The following CTNNA3 variants were observed in gnomAD, a reference collection of about 807,000 sequenced individuals.
The protein encoded by CTNNA3 is catenin alpha-3.
CTNNA3 carries 76 observed loss-of-function variants against 95.7 expected under a neutral mutation model. The ratio of observed to expected loss-of-function variants is 0.79; its 90% CI spans 0.66 to 0.96. The LOEUF is 0.96. CTNNA3 is among the 40% of genes least tolerant of loss of function. The probability of loss-of-function intolerance (pLI) is 0.00; values close to 1 mark genes in which losing one functional copy is unlikely to be tolerated. For synonymous variants in CTNNA3, 431 were observed against 374.4 expected, an observed-to-expected ratio of 1.15 and a Z score of -1.74; for missense variants, 1,191 against 1,089.8, an observed-to-expected ratio of 1.09 and a Z score of -1.31.
At chr10:66,442,875 A>G (rs2093385706) in intron 11 of CTNNA3, among the ~76,000 whole-genome samples, 1 of 152,206 alleles carries the variant, frequency 6.6e-6, no homozygotes, top group African/African-American at 2.4e-5. Context: ...TCACTCGGGA[A>G]GCGCAAGGGG....
At chr10:66,202,288 T>C (rs1564760197) in intron 13 of CTNNA3, among the ~76,000 whole-genome samples, 1 of 152,168 alleles carries the variant, frequency 6.6e-6, no homozygotes, top group Non-Finnish European at 1.5e-5. Context: ...AAAACCTAAA[T>C]GGAATTGTAA....
At position 66,529,114 on chromosome 10, in the gene CTNNA3, C is replaced by T. The variant is rs368554433; in HGVS notation, c.1375-8341G>A. On this transcript the variant is annotated intron_variant, in intron 10 of 17. Transcript: ENST00000433211. Reference sequence around the variant, plus strand: ...TCCACACAGCCTGGCCTATCACAATCAATGTATTATTTATTTATTATAATT... The same window carrying T: ...TCCACACAGCCTGGCCTATCACAATTAATGTATTATTTATTTATTATAATT... Among the ~76,000 whole-genome samples, 54 of 152,048 alleles carry T rather than the reference C, an allele frequency of 3.6e-4. 1 individual carries two copies. In the South Asian group the frequency reaches 0.011, roughly 31 times the overall value.
At chr10:65,953,167 G>A (rs540465017) in intron 17 of CTNNA3, among the ~76,000 whole-genome samples, 3 of 152,252 alleles carry the variant, frequency 2.0e-5, no homozygotes, top group East Asian at 1.9e-4. Flanking sequence ...CCCACTAGGC[G>A]TGGTGTATAG....
intron 7 of CTNNA3, among the ~76,000 whole-genome samples, chr10:67,140,152 T>C (rs1281508961): frequency 6.6e-6 from 1 of 152,190 alleles, no homozygotes; most frequent in African/African-American, 2.4e-5. Flanking sequence ...AGACAACACA[T>C]ATCTACATTT....
intron 8 of CTNNA3, among the ~76,000 whole-genome samples, chr10:66,772,188 G>A (rs1840111737): frequency 6.6e-6 from 1 of 152,136 alleles, no homozygotes; most frequent in Non-Finnish European, 1.5e-5. Context: ...CACTTTGGGA[G>A]GCCGAGGTGG....
chr10:66,865,875 ATT>A (rs1564732752), intron 7 of CTNNA3, among the ~76,000 whole-genome samples: 1 of 152,118 alleles, frequency 6.6e-6, no homozygotes, highest in African/African-American at 2.4e-5. Context: ...TGTAATATGC[ATT>A]TTTTCAGGTG....
chr10:66,110,705 T>C (rs1047766801), intron 13 of CTNNA3, among the ~76,000 whole-genome samples: 4 of 152,206 alleles, frequency 2.6e-5, no homozygotes, highest in African/African-American at 9.6e-5. Context: ...GATTATATAA[T>C]CAACTCAAGT....
At chr10:66,406,766 G>T (rs1589206759) in intron 11 of CTNNA3, among the ~76,000 whole-genome samples, 1 of 152,022 alleles carries the variant, frequency 6.6e-6, no homozygotes, top group Non-Finnish European at 1.5e-5. Context: ...AAGAGCTCTT[G>T]CTCTAAACCA....
intron 7 of CTNNA3, among the ~76,000 whole-genome samples, chr10:67,044,722 A>T (rs1433858794): frequency 6.6e-6 from 1 of 152,230 alleles, no homozygotes; most frequent in African/African-American, 2.4e-5. Flanking sequence ...TAGGGATGTT[A>T]TAAGGATAAA....
At chr10:66,261,405 A>G (rs7087659) in intron 13 of CTNNA3, among the ~76,000 whole-genome samples, 22,396 of 152,156 alleles carry the variant, frequency 0.15, 1,824 homozygotes, top group East Asian at 0.28. Context: ...TTAGCCAATG[A>G]TTTCAAATGC....
chr10:67,562,843 T>C (rs1362314816), intron 3 of CTNNA3, among the ~76,000 whole-genome samples: 2 of 151,970 alleles, frequency 1.3e-5, no homozygotes, highest in Non-Finnish European at 2.9e-5. Context: ...TATACACCAA[T>C]AACAGACAAA....
At chr10:66,823,908 C>A (rs1404336883) in intron 7 of CTNNA3, among the ~76,000 whole-genome samples, 1 of 151,982 alleles carries the variant, frequency 6.6e-6, no homozygotes, top group African/African-American at 2.4e-5. Context: ...TGGAGAGTTA[C>A]CATATTCCCT....
chr10:66,670,135 A>G (rs1360224213), intron 9 of CTNNA3, among the ~76,000 whole-genome samples: 1 of 152,116 alleles, frequency 6.6e-6, no homozygotes, highest in Non-Finnish European at 1.5e-5. Flanking sequence ...TATGAGAGTA[A>G]TATGTCCACT....
intron 14 of CTNNA3, among the ~76,000 whole-genome samples, chr10:66,075,394 A>G (rs972738402): frequency 6.6e-6 from 1 of 151,838 alleles, no homozygotes; most frequent in Non-Finnish European, 1.5e-5. Flanking sequence ...CCCCAGTTTC[A>G]TATGTTAAAT....
chr10:66,686,846 A>G (rs1847315131), intron 9 of CTNNA3, among the ~76,000 whole-genome samples: 1 of 152,192 alleles, frequency 6.6e-6, no homozygotes, highest in Admixed American at 6.5e-5. Flanking sequence ...AATTTCATGA[A>G]GAACAAACCA....
intron 10 of CTNNA3, among the ~76,000 whole-genome samples, chr10:66,594,138 C>G (rs12220506): frequency 0.17 from 25,539 of 151,994 alleles, 2,333 homozygotes; most frequent in East Asian, 0.24. Flanking sequence ...TTTCCCAGCT[C>G]AGTAAATGGC....
At chr10:66,502,830 G>A (rs1238718077) in intron 11 of CTNNA3, among the ~76,000 whole-genome samples, 2 of 152,034 alleles carry the variant, frequency 1.3e-5, no homozygotes, top group Non-Finnish European at 2.9e-5. Flanking sequence ...ACATAACCCA[G>A]GTGCCACATA....
intron 9 of CTNNA3, among the ~76,000 whole-genome samples, chr10:66,678,845 G>A (rs1005154696): frequency 2.0e-5 from 3 of 152,080 alleles, no homozygotes; most frequent in African/African-American, 7.2e-5. Flanking sequence ...GTGTGTGTGT[G>A]CACGCAAGTG....
chr10:66,686,162 C>T (rs1847288803), intron 9 of CTNNA3, among the ~76,000 whole-genome samples: 1 of 152,172 alleles, frequency 6.6e-6, no homozygotes, highest in Non-Finnish European at 1.5e-5. Flanking sequence ...AAATGGCATC[C>T]TCAGTATTTG....
Sources: allele counts gnomAD v4.1 joint callset (sites outside exome capture counted in the v4.1 genomes callset), GRCh38; gene constraint gnomAD v4.1.1; transcripts MANE v1.5; gene names NCBI Gene and HGNC (gene_info 2026-07-23, HGNC 2026-07-21).